CACHD1: variants seen among roughly 807,000 people sequenced by gnomAD.
CACHD1 encodes cache domain containing 1.
A neutral mutation model predicts 138.7 loss-of-function variants in CACHD1; 71 were observed. That is an observed-to-expected ratio of 0.51 (90% confidence interval 0.42 to 0.62). CACHD1 has a LOEUF of 0.62. Ranked by LOEUF, CACHD1 falls within the 20% of genes least tolerant of loss-of-function variation. The pLI is 0.00. For synonymous variants in CACHD1, 578 were observed against 591.5 expected (o/e 0.98, Z 0.33); for missense variants, 1,389 against 1,625.3 (o/e 0.85, Z 2.50).
chr1:64,663,550 GAA>G (rs11289872), intron 13 of CACHD1, 143 bp from the exon 14 acceptor site: 13,936 of 775,816 alleles, frequency 0.018, no homozygotes, highest in East Asian at 0.067. Flanking sequence ...GACTCCATCT[GAA>G]AAAAAAAAAA....
intron 1 of CACHD1, among the ~76,000 whole-genome samples, chr1:64,513,219 G>T (rs1646435155): frequency 6.6e-6 from 1 of 152,166 alleles, no homozygotes; most frequent in Non-Finnish European, 1.5e-5. Context: ...GCTGTCCTGT[G>T]CATTTTAGGA....
At chr1:64,663,274 C>T (rs938086751) in intron 13 of CACHD1, among the ~76,000 whole-genome samples, 3 of 145,712 alleles carry the variant, frequency 2.1e-5, no homozygotes, top group African/African-American at 5.0e-5. Context: ...AAGCCGCCGC[C>T]GGGCGCAGTG....
intron 2 of CACHD1, among the ~76,000 whole-genome samples, chr1:64,568,060 T>C (rs925144191): frequency 1.3e-5 from 2 of 152,188 alleles, no homozygotes; most frequent in Non-Finnish European, 2.9e-5. Flanking sequence ...GATGACTCTT[T>C]TGTCTTTCTT....
rs138914911 is a variant in CACHD1 at position 64,489,768 on chromosome 1, C to G, written c.198+18826C>G. ...AATGCTAAGTCTTCAGAATTTTATA[C>G]TCTACTCCTCACTTCTAGATTTGAG... On this transcript the variant is annotated intron_variant, in intron 1 of 26. Coordinates refer to ENST00000651257, the MANE Select transcript of CACHD1 (RefSeq NM_020925.4). Among the ~76,000 whole-genome samples the G allele has an allele frequency of 8.9e-3, 1,355 of 152,268 alleles. 20 individuals are homozygous for G. The highest frequency in any genetic ancestry group is 0.031 in the African/African-American group (1,285 of 41,536).
chr1:64,470,936 C>T lies in CACHD1; in HGVS notation c.192C>T (p.Thr64=). ...RLAAEELGVV[T]MQRIFNSFVY... ...CGGCCGAGGAGCTGGGGGTCGTCAC[C>T]ATGCAGGTAAGTGGCCCCCGAGCTG... The change falls in exon 1 of 27, where the codon ACC becomes ACT. Residue 64 remains threonine (T), a synonymous_variant. Coordinates refer to ENST00000651257, the MANE Select transcript of CACHD1 (RefSeq NM_020925.4). This position sits in a 1 kb window ranked among gnomAD's most constrained non-coding sequence, Gnocchi z 5.2. 3 of 1,602,512 alleles carry T rather than the reference C, an allele frequency of 1.9e-6. No homozygotes were observed. The highest frequency in any genetic ancestry group is 2.6e-6 in the Non-Finnish European group (3 of 1,174,050).
intron 3 of CACHD1, among the ~76,000 whole-genome samples, chr1:64,595,477 G>A (rs934709497): frequency 6.6e-6 from 1 of 152,114 alleles, no homozygotes; most frequent in Non-Finnish European, 1.5e-5. Flanking sequence ...GAGGTCAAGT[G>A]GCAGGATGGA....
intron 1 of CACHD1, among the ~76,000 whole-genome samples, chr1:64,542,906 A>G (rs904197197): frequency 9.2e-5 from 14 of 152,224 alleles, no homozygotes; most frequent in Admixed American, 8.5e-4. Flanking sequence ...ATGAGACAAT[A>G]TGTTGCAAAG....
chr1:64,488,861 G>A (rs905869620), intron 1 of CACHD1, among the ~76,000 whole-genome samples: 2 of 152,216 alleles, frequency 1.3e-5, no homozygotes, highest in African/African-American at 4.8e-5. Flanking sequence ...TTTAAAGTCT[G>A]TTACTAGCCA....
intron 12 of CACHD1, among the ~76,000 whole-genome samples, chr1:64,658,496 TCTC>T (rs1480842548): frequency 6.6e-6 from 1 of 152,142 alleles, no homozygotes; most frequent in Admixed American, 6.6e-5. Flanking sequence ...ATACTTCAGG[TCTC>T]CTCAACAAGA....
At position 64,691,588 on chromosome 1, in the gene CACHD1, G is replaced by A. The variant is rs373340516; in HGVS notation, c.*27G>A. On this transcript the variant is annotated 3_prime_UTR_variant, in exon 27 of 27. Coordinates refer to ENST00000651257, the MANE Select transcript of CACHD1 (RefSeq NM_020925.4). The stretch of plus-strand genomic sequence containing the variant: ...AATCTCCTCACCTCCACGCCAAGAT[G>A]AGATCTGGGAGCTACAGAATGTTCT... 69 of 1,582,288 alleles carry A rather than the reference G, an allele frequency of 4.4e-5. No homozygotes were observed. The African/African-American group carries it at 8.2e-4, about 19-fold the overall frequency.
At chr1:64,473,672 G>A (rs1314028919) in intron 1 of CACHD1, among the ~76,000 whole-genome samples, 1 of 152,198 alleles carries the variant, frequency 6.6e-6, no homozygotes, top group African/African-American at 2.4e-5. Context: ...TTTGAGCATA[G>A]TACAGGCCTT....
chr1:64,673,449 CA>C lies in CACHD1; in HGVS notation c.2714del (p.Asn905ThrfsTer8). 1 of 1,613,104 alleles carries C rather than the reference CA, an allele frequency of 6.2e-7. No individual in the cohort carries two copies. Among genetic ancestry groups the C allele is most frequent in the Non-Finnish European group, 8.5e-7 (1 of 1,179,068 alleles). On this transcript the variant is annotated frameshift_variant, in exon 19 of 27. Transcript: ENST00000651257. LOFTEE classifies it high-confidence loss of function. ...DRTVQRFYKF[N>X]TSLAGDLTNL... ...GAACGGTCCAGAGGTTTTATAAATTCAACACCAGCCTTGCGGTAAGTTGATC... is the reference window on the plus strand; with the variant it reads ...GAACGGTCCAGAGGTTTTATAAATTCACACCAGCCTTGCGGTAAGTTGATC...
At position 64,577,956 on chromosome 1, in the gene CACHD1, A is replaced by G. The variant is rs374874682; in HGVS notation, c.262-4200A>G. 2.2e-4 allele frequency among the ~76,000 whole-genome samples: 33 copies of G among 152,022 alleles called. 1 individual carries two copies. The highest frequency in any genetic ancestry group is 1.9e-3 in the East Asian group (10 of 5,190). ...CTACCCCGATCCCCCAGTAAAACAC[A>G]CCTCTGCCAGGGCTGCTCTCCCATC... On this transcript the variant is annotated intron_variant, in intron 2 of 26. Transcript: ENST00000651257.
chr1:64,666,121 G>A lies in CACHD1; in HGVS notation c.2341G>A (p.Gly781Arg), dbSNP rs541162700. The A allele has an allele frequency of 7.4e-6, 12 of 1,613,266 alleles. No homozygotes were observed. The highest frequency in any genetic ancestry group is 4.4e-5 in the South Asian group (4 of 91,020). Residue 781 changes from glycine (G) to arginine (R), a missense_variant, in exon 16 of 27, where the codon GGA becomes AGA. Gly to Arg is a moderately radical substitution (Grantham distance 125, BLOSUM62 -2). Around this residue, in one of 5 missense-constraint regions of CACHD1, gnomAD observed 1,000 missense variants for 1,114.7 expected, o/e 0.90. Transcript: ENST00000651257. Reference sequence around the variant, plus strand: ...GACTGGTCCTTACTTAGATGTTGGAGGAGCTGGTTATGTTGTGACAATCAG... The same window carrying A: ...GACTGGTCCTTACTTAGATGTTGGAAGAGCTGGTTATGTTGTGACAATCAG... ...SLTGPYLDVG[G>R]AGYVVTISHT...
chr1:64,485,941 C>T (rs1353576804), intron 1 of CACHD1, among the ~76,000 whole-genome samples: 1 of 152,166 alleles, frequency 6.6e-6, no homozygotes, highest in Non-Finnish European at 1.5e-5. Flanking sequence ...AACTGCCAGT[C>T]TATTTTCCAA....
At chr1:64,639,879 C>T (rs571891760) in intron 7 of CACHD1, among the ~76,000 whole-genome samples, 5 of 152,304 alleles carry the variant, frequency 3.3e-5, no homozygotes, top group Admixed American at 1.3e-4. Flanking sequence ...GCCTCTGGCC[C>T]AACGAGTTTC....
intron 1 of CACHD1, among the ~76,000 whole-genome samples, chr1:64,475,128 G>A (rs988744873): frequency 9.3e-5 from 14 of 150,352 alleles, no homozygotes; most frequent in Non-Finnish European, 1.8e-4. Flanking sequence ...AAAGAGCAAC[G>A]CTTCTTTGTA....
chr1:64,543,229 C>T (rs2100433575), intron 1 of CACHD1, among the ~76,000 whole-genome samples: 1 of 151,326 alleles, frequency 6.6e-6, no homozygotes, highest in Non-Finnish European at 1.5e-5. Context: ...TCTTGAACCA[C>T]CTGTATCCAA....
At chr1:64,595,564 A>G (rs11208476) in intron 3 of CACHD1, among the ~76,000 whole-genome samples, 15,264 of 152,052 alleles carry the variant, frequency 0.1, 808 homozygotes, top group Middle Eastern at 0.19. Context: ...TCTCTCTTTG[A>G]TTTTTCCAGA....
Sources: gnomAD v4.1 joint callset for allele counts (sites outside exome capture counted in the v4.1 genomes callset) on GRCh38, gnomAD v4.1.1 for gene constraint, gnomAD v4.1.1 regional missense constraint, Gnocchi (gnomAD v3.1) non-coding constraint, MANE v1.5 for transcripts, NCBI Gene and HGNC (gene_info 2026-07-23, HGNC 2026-07-21) for gene names.